SDK2: variants seen among roughly 807,000 people sequenced by gnomAD.
SDK2 encodes protein sidekick-2.
A neutral mutation model predicts 253.9 loss-of-function variants in SDK2; 105 were observed. The observed-to-expected ratio is 0.41, with a 90% CI of 0.35 to 0.49. The LOEUF is 0.49. SDK2 is among the 20% of genes least tolerant of loss of function. The pLI, the probability that SDK2 is intolerant of heterozygous loss-of-function variation, is 0.06. For synonymous variants in SDK2, 1,249 were observed against 1,234.9 expected, an observed-to-expected ratio of 1.01 and a Z score of -0.24; for missense variants, 2,608 against 3,003.0, an observed-to-expected ratio of 0.87 and a Z score of 3.07.
Position 73,399,246 on chromosome 17 carries a change from G to T in SDK2, c.3015C>A (p.Gly1005=). 1.2e-6 allele frequency: 2 copies of T among 1,613,824 alleles called. No individual in the cohort carries two copies. Among genetic ancestry groups the T allele is most frequent in the Non-Finnish European group, 1.7e-6 (2 of 1,179,750 alleles). The change falls in exon 22 of 45, where the codon GGC becomes GGA. Residue 1005 remains glycine, a synonymous_variant. Transcript: ENST00000392650. Reference sequence around the variant, plus strand: ...TGAACTGCAAGGTCACAGAGCGGGGGCCGATGTTGGAAATGCCCAGGTTGG... The same window carrying T: ...TGAACTGCAAGGTCACAGAGCGGGGTCCGATGTTGGAAATGCCCAGGTTGG... ...PPTNLGISNI[G]PRSVTLQFRP... is the part of the protein sequence containing the mutation.
At chr17:73,530,747 C>A (rs1458718191) in intron 1 of SDK2, among the ~76,000 whole-genome samples, 1 of 152,216 alleles carries the variant, frequency 6.6e-6, no homozygotes, top group Non-Finnish European at 1.5e-5. Flanking sequence ...ATGGCCTTAA[C>A]AAATGTCACG....
Position 73,378,425 on chromosome 17 carries a change from T to C in SDK2, c.4980+752A>G, listed in dbSNP as rs530249569. On this transcript the variant is annotated intron_variant, in intron 36 of 44. Transcript: ENST00000392650. The stretch of plus-strand genomic sequence containing the variant: ...CCCTAGAAATGATTTTTAATTTTAA[T>C]TTTTTTTTTTTTGAGACAGAGTCTC... Among the ~76,000 whole-genome samples the C allele has an allele frequency of 1.6e-4, 19 of 120,800 alleles. No homozygotes were observed. In the South Asian group the frequency reaches 4.2e-3, roughly 27 times the overall value. 79.2% of individuals were successfully genotyped at this position (120,800 alleles called of 152,430 possible). A position where few individuals can be genotyped will look rare whatever the true frequency, so the allele number is the denominator to read the frequency against.
intron 40 of SDK2, among the ~76,000 whole-genome samples, chr17:73,355,174 A>ATATT: frequency 6.4e-5 from 3 of 47,238 alleles, no homozygotes; most frequent in Non-Finnish European, 1.0e-4. Context: ...ATATATATAT[A>ATATT]TTTTTTTTTT....
intron 1 of SDK2, among the ~76,000 whole-genome samples, chr17:73,557,748 A>G (rs2045166716): frequency 6.6e-6 from 1 of 151,854 alleles, no homozygotes; most frequent in Admixed American, 6.6e-5. Context: ...CTCTTTCAAT[A>G]GAGGGTAGAG....
Position 73,401,093 on chromosome 17 carries a change from G to A in SDK2, c.2898C>T (p.Ile966=), listed in dbSNP as rs754248280. 5.1e-6 allele frequency: 8 copies of A among 1,568,514 alleles called. No individual in the cohort carries two copies. In the Admixed American group the frequency reaches 7.6e-5, roughly 15 times the overall value. Reference sequence around the variant, plus strand: ...CCTTTGAGGTCATGGCGGCCACCTCGATGGTGTAGGTGGTGAGCGCGGTGA... The same window carrying A: ...CCTTTGAGGTCATGGCGGCCACCTCAATGGTGTAGGTGGTGAGCGCGGTGA... ...TGLTALTTYT[I]EVAAMTSKGQ... Residue 966 remains isoleucine (I), a synonymous_variant, in exon 21 of 45, where the codon ATC becomes ATT. Coordinates refer to ENST00000392650, the MANE Select transcript of SDK2 (RefSeq NM_001144952.2).
chr17:73,533,911 A>G (rs1048675227), intron 1 of SDK2, among the ~76,000 whole-genome samples: 1 of 152,064 alleles, frequency 6.6e-6, no homozygotes, highest in African/African-American at 2.4e-5. Flanking sequence ...TCCACTTGCT[A>G]ATTAGAGACT....
chr17:73,575,026 C>G (rs533914955), intron 1 of SDK2, among the ~76,000 whole-genome samples: 1 of 152,336 alleles, frequency 6.6e-6, no homozygotes, highest in Admixed American at 6.5e-5. Context: ...CTCGTATAGT[C>G]TCAGACAATT....
rs145777443 is a variant in SDK2, at chr17:73,338,698, C to T, written c.6408G>A (p.Thr2136=). The change falls in exon 45 of 45, where the codon ACG becomes ACA. Residue 2136 remains threonine, a synonymous_variant. Coordinates refer to ENST00000392650, the MANE Select transcript of SDK2 (RefSeq NM_001144952.2). This position sits in a 1 kb window ranked among gnomAD's most constrained non-coding sequence, Gnocchi z 5.0. ...LFRPKASRTP[T]PQNPPNPPSQ... is the part of the protein sequence containing the mutation. Reference sequence around the variant, plus strand: ...TTGGGGGGTTAGGGGGGTTCTGGGGCGTTGGAGTCCGACTGGCCTTGGGCC... The same window carrying T: ...TTGGGGGGTTAGGGGGGTTCTGGGGTGTTGGAGTCCGACTGGCCTTGGGCC... The T allele has an allele frequency of 6.0e-5, 96 of 1,606,626 alleles. No homozygotes were observed. The highest frequency in any genetic ancestry group is 2.7e-5 in the African/African-American group (2 of 74,534).
At chr17:73,451,287 G>A (rs2145651931) in intron 4 of SDK2, among the ~76,000 whole-genome samples, 1 of 152,254 alleles carries the variant, frequency 6.6e-6, no homozygotes, top group South Asian at 2.1e-4. Context: ...CAGGTGGAAC[G>A]CCTGAGGTCA....
At chr17:73,530,559 A>T (rs1185639481) in intron 1 of SDK2, among the ~76,000 whole-genome samples, 1 of 152,096 alleles carries the variant, frequency 6.6e-6, no homozygotes, top group Admixed American at 6.5e-5. Context: ...TCCACAGAAC[A>T]CCCTATATAC....
At chr17:73,426,799 T>A (rs1235015893) in intron 12 of SDK2, among the ~76,000 whole-genome samples, 2 of 152,066 alleles carry the variant, frequency 1.3e-5, no homozygotes, top group East Asian at 3.8e-4. Context: ...AGAAATAGCC[T>A]ATGGGGGCCG....
At chr17:73,419,545 T>G (rs1309323029) in intron 15 of SDK2, among the ~76,000 whole-genome samples, 1 of 151,980 alleles carries the variant, frequency 6.6e-6, no homozygotes, top group East Asian at 1.9e-4. Context: ...ATATAGTCTC[T>G]GTGTATATGT....
intron 32 of SDK2, among the ~76,000 whole-genome samples, chr17:73,385,077 G>T (rs1014710298): frequency 1.3e-5 from 2 of 152,250 alleles, no homozygotes; most frequent in African/African-American, 4.8e-5. Context: ...TGGAGTGGCA[G>T]ATGGCTGAAG....
Position 73,427,390 on chromosome 17 carries a change from T to A in SDK2, c.1583+3121A>T, listed in dbSNP as rs8072989. 3.7e-3 allele frequency among the ~76,000 whole-genome samples: 559 copies of A among 152,302 alleles called. 4 individuals are homozygous for A. Among genetic ancestry groups the A allele is most frequent in the African/African-American group, 0.013 (540 of 41,556 alleles). On this transcript the variant is annotated intron_variant, in intron 12 of 44. Transcript: ENST00000392650. Reference sequence around the variant, plus strand: ...TTTTATTAGAACACAGACATGCCCATCTGTTTACTTAGTGCCTGTTTACAT... The same window carrying A: ...TTTTATTAGAACACAGACATGCCCAACTGTTTACTTAGTGCCTGTTTACAT...
Position 73,430,523 on chromosome 17 carries a change from CGGG to C in SDK2, c.1568_1570del (p.Pro523del). ...GCAGAGCCAGTACCTGATGGTTACT[CGGG>C]GGTCGTGGGTCACTCCGCACACCAT... On this transcript the variant is annotated inframe_deletion, in exon 12 of 45. Transcript: ENST00000392650. 1 of 1,607,524 alleles carries C rather than the reference CGGG, an allele frequency of 6.2e-7. No individual in the cohort carries two copies. Among genetic ancestry groups the C allele is most frequent in the Non-Finnish European group, 8.5e-7 (1 of 1,176,734 alleles).
intron 12 of SDK2, among the ~76,000 whole-genome samples, chr17:73,427,769 C>T (rs1235773903): frequency 6.6e-6 from 1 of 151,264 alleles, no homozygotes; most frequent in Non-Finnish European, 1.5e-5. Context: ...TACAGGAGAA[C>T]ATCTAGATGA....
intron 4 of SDK2, among the ~76,000 whole-genome samples, chr17:73,448,606 T>C (rs1201371336): frequency 6.6e-6 from 1 of 151,994 alleles, no homozygotes; most frequent in Non-Finnish European, 1.5e-5. Context: ...CCTTGTGATC[T>C]GCCCGCCTTG....
chr17:73,353,920 G>C (rs139563580), intron 40 of SDK2, among the ~76,000 whole-genome samples: 7 of 152,016 alleles, frequency 4.6e-5, no homozygotes, highest in Non-Finnish European at 1.0e-4. Context: ...GGCCAGGCTG[G>C]TCTTGAACTC....
Position 73,467,072 on chromosome 17 carries a change from G to A in SDK2, c.331+5040C>T, listed in dbSNP as rs2063606467. ...CATCTACTCGTCCTGCTGAGAGCAA[G>A]GAAAACGATGTGATTGGTAGAGTCT... On this transcript the variant is annotated intron_variant, in intron 3 of 44. Coordinates refer to ENST00000392650, the MANE Select transcript of SDK2 (RefSeq NM_001144952.2). The surrounding 1 kb of genome is among the most constrained non-coding windows in gnomAD (Gnocchi z 4.1). 6.6e-6 allele frequency among the ~76,000 whole-genome samples: 1 copy of A among 152,084 alleles called. No individual in the cohort carries two copies. The highest frequency in any genetic ancestry group is 2.1e-4 in the South Asian group (1 of 4,828).
Sources: allele counts gnomAD v4.1 joint callset (sites outside exome capture counted in the v4.1 genomes callset), GRCh38; gene constraint gnomAD v4.1.1; non-coding constraint Gnocchi (gnomAD v3.1); transcripts MANE v1.5; gene names NCBI Gene and HGNC (gene_info 2026-07-23, HGNC 2026-07-21).